Variants in SDR42E1 observed in about 807,000 individuals in gnomAD.
SDR42E1 encodes the protein short chain dehydrogenase/reductase family 42E, member 1, also known as short-chain dehydrogenase/reductase family 42E member 1.
Under a neutral mutation model 2.6 loss-of-function variants are expected in SDR42E1, and 5 were observed. The observed-to-expected ratio is 1.94, with a 90% CI of 1.01 to 4.08. SDR42E1 has a LOEUF of 4.08. Among genes scored for constraint, SDR42E1 ranks in the 30% most tolerant of loss-of-function variants. The pLI is 0.00. For synonymous variants in SDR42E1, 231 were observed against 188.3 expected (o/e 1.23, Z -1.86); for missense variants, 596 against 478.6 (o/e 1.25, Z -2.29).
chr16:82,008,799 AATC>A (rs1162844979), intron 1 of SDR42E1, among the ~76,000 whole-genome samples: 1 of 152,234 alleles, frequency 6.6e-6, no homozygotes, highest in Admixed American at 6.5e-5. Flanking sequence ...GCCAAATGCT[AATC>A]ATCAAGACAA....
rs765212491 is a variant in SDR42E1, at chr16:81,999,618, C to T, written c.675G>A (p.Val225=). The part of the protein sequence containing the change: ...DPRSLVEFVH[V]DNLVQAHILA... Reference sequence around the variant, plus strand: ...GAATGTGAGCCTGCACCAAGTTATCCACGTGGACAAACTCAACCAGGCTCC... The same window carrying T: ...GAATGTGAGCCTGCACCAAGTTATCTACGTGGACAAACTCAACCAGGCTCC... Residue 225 remains valine (V), a synonymous_variant, in exon 3 of 3, where the codon GTG becomes GTA. Transcript: ENST00000328945. 6.2e-7 allele frequency: 1 copy of T among 1,614,168 alleles called. No individual in the cohort carries two copies. Among genetic ancestry groups the T allele is most frequent in the Non-Finnish European group, 8.5e-7 (1 of 1,180,036 alleles).
chr16:82,003,437 A>G (rs531490712), intron 1 of SDR42E1, among the ~76,000 whole-genome samples: 1 of 152,342 alleles, frequency 6.6e-6, no homozygotes, highest in South Asian at 2.1e-4. Context: ...AGTTACTGAT[A>G]TATCAATACA....
rs1339126223 is a variant in SDR42E1, at chr16:81,999,064, G to A, written c.*47C>T. ...ACACATTTTAAAACCCATGTTTCTT[G>A]AGAACCATCTCAGCCAACTGTGATC... On this transcript the variant is annotated 3_prime_UTR_variant, in exon 3 of 3. Transcript: ENST00000328945. 1.3e-6 allele frequency: 2 copies of A among 1,565,886 alleles called. No individual in the cohort carries two copies. Among genetic ancestry groups the A allele is most frequent in the African/African-American group, 1.4e-5 (1 of 73,284 alleles).
At chr16:82,001,010 G>C in intron 1 of SDR42E1, 126 bp from the exon 2 acceptor site, 1 of 599,486 alleles carries the variant, frequency 1.7e-6, no homozygotes, top group South Asian at 2.1e-5. Flanking sequence ...TCTGGGTCTG[G>C]TCACAGCTGT....
chr16:82,000,638 T>A (rs2143850658), intron 2 of SDR42E1, among the ~76,000 whole-genome samples, 153 bp downstream of exon 2: 1 of 152,366 alleles, frequency 6.6e-6, no homozygotes, highest in East Asian at 1.9e-4. Flanking sequence ...TACCTGTAGT[T>A]CTCAGCTGCA....
intron 1 of SDR42E1, among the ~76,000 whole-genome samples, chr16:82,001,987 C>A (rs1239898143): frequency 2.0e-5 from 3 of 150,948 alleles, no homozygotes; most frequent in Non-Finnish European, 4.4e-5. Context: ...CACACACACA[C>A]ACACATATAC....
At position 81,995,010 on chromosome 16, in the gene SDR42E1, C is replaced by T. The variant is rs1396453891; in HGVS notation, c.*4101G>A. On this transcript the variant is annotated 3_prime_UTR_variant, in exon 3 of 3. Transcript: ENST00000328945. Reference sequence around the variant, plus strand: ...TGCTTGTAATGTGGCACTGTCTGCCCCTGTCACCAGAAACGGCACTGAGGA... The same window carrying T: ...TGCTTGTAATGTGGCACTGTCTGCCTCTGTCACCAGAAACGGCACTGAGGA... The T allele has an allele frequency of 6.6e-6, 1 of 152,136 alleles. No homozygotes were observed. The highest frequency in any genetic ancestry group is 1.5e-5 in the Non-Finnish European group (1 of 68,032). 9.4% of individuals were successfully genotyped at this position (152,136 alleles called of 1,614,324 possible). A position where few individuals can be genotyped will look rare whatever the true frequency, so the allele number is the denominator to read the frequency against.
rs889758770 is a variant in SDR42E1, at chr16:81,998,504, C to T, written c.*607G>A. On this transcript the variant is annotated 3_prime_UTR_variant, in exon 3 of 3. Transcript: ENST00000328945. ...GCTTGAATTTAATCCTCAAAAGAAT[C>T]CTATGAGGTAGAATAAAGGCCTAAA... is the stretch of plus-strand genomic sequence containing the variant. 1.3e-5 allele frequency: 2 copies of T among 152,634 alleles called. No individual in the cohort carries two copies. The highest frequency in any genetic ancestry group is 4.8e-5 in the African/African-American group (2 of 41,442). 9.5% of individuals were successfully genotyped at this position (152,634 alleles called of 1,614,324 possible). A position where few individuals can be genotyped will look rare whatever the true frequency, so the allele number is the denominator to read the frequency against.
At position 81,999,823 on chromosome 16, in the gene SDR42E1, G is replaced by T. The variant is rs764589474; in HGVS notation, c.470C>A (p.Ser157Ter). 1.2e-6 allele frequency: 2 copies of T among 1,614,078 alleles called. No homozygotes were observed. Among genetic ancestry groups the T allele is most frequent in the South Asian group, 2.2e-5 (2 of 91,078 alleles). ...LHPDHYSRTKSIAEQKVLEAN... is the reference protein window; with the variant it reads ...LHPDHYSRTK Reference sequence around the variant, plus strand: ...CTCCAGCACCTTCTGCTCTGCAATTGACTTTGTCCGAGAGTAGTGATCAGG... The same window carrying T: ...CTCCAGCACCTTCTGCTCTGCAATTTACTTTGTCCGAGAGTAGTGATCAGG... Residue 157 changes from serine (S) to a stop codon, truncating the protein, a stop_gained, in exon 3 of 3, where the codon TCA becomes TAA. Coordinates refer to ENST00000328945, the MANE Select transcript of SDR42E1 (RefSeq NM_145168.3). LOFTEE classifies it high-confidence loss of function.
chr16:81,998,438 G>C lies in SDR42E1; in HGVS notation c.*673C>G, dbSNP rs1190539643. On this transcript the variant is annotated 3_prime_UTR_variant, in exon 3 of 3. Coordinates refer to ENST00000328945, the MANE Select transcript of SDR42E1 (RefSeq NM_145168.3). The stretch of plus-strand genomic sequence containing the variant: ...ATAAGGAATGTACCATGACAATTCT[G>C]ATAAAAAGAATGGCTATGTGTGTTG... 6.6e-6 allele frequency: 1 copy of C among 152,354 alleles called. No homozygotes were observed. Among genetic ancestry groups the C allele is most frequent in the African/African-American group, 2.4e-5 (1 of 41,442 alleles). The allele number at this position is 152,354 out of a possible 1,614,324, so 9.4% of individuals were successfully genotyped here.
chr16:81,997,728 G>A lies in SDR42E1; in HGVS notation c.*1383C>T, dbSNP rs1215383765. 6.6e-6 allele frequency: 1 copy of A among 152,140 alleles called. No homozygotes were observed. 9.4% of individuals were successfully genotyped at this position (152,140 alleles called of 1,614,324 possible). ...CCCAGTGAACCCTATGGGGTGGGTG[G>A]GTTTATACAAAGGGCAAATGCAGTC... On this transcript the variant is annotated 3_prime_UTR_variant, in exon 3 of 3. Coordinates refer to ENST00000328945, the MANE Select transcript of SDR42E1 (RefSeq NM_145168.3).
chr16:82,000,698 A>G, intron 2 of SDR42E1, 93 bp downstream of exon 2: 1 of 932,314 alleles, frequency 1.1e-6, no homozygotes, highest in Non-Finnish European at 1.7e-6. Context: ...ACATTACACA[A>G]ACAAGTAAAA....
intron 1 of SDR42E1, among the ~76,000 whole-genome samples, chr16:82,009,807 A>G (rs1430737234): frequency 6.6e-6 from 1 of 152,204 alleles, no homozygotes; most frequent in African/African-American, 2.4e-5. Context: ...GGGAGGGGCC[A>G]GGGGCGGAAT....
intron 1 of SDR42E1, among the ~76,000 whole-genome samples, chr16:82,003,367 G>A (rs999174382): frequency 6.6e-6 from 1 of 152,150 alleles, no homozygotes; most frequent in Admixed American, 6.5e-5. Flanking sequence ...AGTCAATTCT[G>A]TTCTTTAGTG....
rs767203090 is a variant in SDR42E1, at chr16:82,000,842, G to A, written c.17C>T (p.Ser6Phe). 1 of 1,613,722 alleles carries A rather than the reference G, an allele frequency of 6.2e-7. No individual in the cohort carries two copies. Among genetic ancestry groups the A allele is most frequent in the Admixed American group, 1.7e-5 (1 of 59,982 alleles). Residue 6 changes from serine (S) to phenylalanine (F), a missense_variant, in exon 2 of 3, where the codon TCT becomes TTT. Physicochemically the swap from Ser to Phe is radical, Grantham distance 155. Coordinates refer to ENST00000328945, the MANE Select transcript of SDR42E1 (RefSeq NM_145168.3). ...TGTAATGAGGACACTTTCCTTTTGA[G>A]ATCTTTTGGGGTCCATATGTGGCAG... The part of the protein sequence containing the change: MDPKR[S>F]QKESVLITGG...
At position 81,993,315 on chromosome 16, in the gene SDR42E1, G is replaced by C. The variant is rs1490114294; in HGVS notation, c.*5796C>G. On this transcript the variant is annotated 3_prime_UTR_variant, in exon 3 of 3. Coordinates refer to ENST00000328945, the MANE Select transcript of SDR42E1 (RefSeq NM_145168.3). ...TGGCACCAGTGCTCACCTCCTTGTT[G>C]AAAGATAAGAAACACCTAGAGTGCA... 6.6e-6 allele frequency: 1 copy of C among 152,164 alleles called. No individual in the cohort carries two copies. The highest frequency in any genetic ancestry group is 6.5e-5 in the Admixed American group (1 of 15,278). The allele number at this position is 152,164 out of a possible 1,614,324, so 9.4% of individuals were successfully genotyped here.
Position 82,000,838 on chromosome 16 carries a change from T to G in SDR42E1, c.21A>C (p.Gln7His). The stretch of plus-strand genomic sequence containing the variant: ...CTCCTGTAATGAGGACACTTTCCTT[T>G]TGAGATCTTTTGGGGTCCATATGTG... MDPKRS[Q>H]KESVLITGGS... The change falls in exon 2 of 3, where the codon CAA (glutamine) becomes CAC (histidine). Residue 7 changes from glutamine (Q) to histidine (H), a missense_variant. Physicochemically the swap from Gln to His is conservative, Grantham distance 24 (BLOSUM62 0). Transcript: ENST00000328945. The G allele has an allele frequency of 1.2e-6, 2 of 1,613,938 alleles. No homozygotes were observed. The highest frequency in any genetic ancestry group is 2.2e-5 in the East Asian group (1 of 44,868).
In SDR42E1 at chr16:81,997,351, C is replaced by G. The variant is rs1912565983; in HGVS notation, c.*1760G>C. The G allele has an allele frequency of 6.6e-6, 1 of 152,196 alleles. No homozygotes were observed. Among genetic ancestry groups the G allele is most frequent in the Admixed American group, 6.5e-5 (1 of 15,286 alleles). 9.4% of individuals were successfully genotyped at this position (152,196 alleles called of 1,614,324 possible). The stretch of plus-strand genomic sequence containing the variant: ...GATCGCCTTTGACCATCTCCCTCTT[C>G]TGGTATAATACGGAAATACCTTTGT... On this transcript the variant is annotated 3_prime_UTR_variant, in exon 3 of 3. Coordinates refer to ENST00000328945, the MANE Select transcript of SDR42E1 (RefSeq NM_145168.3).
intron 1 of SDR42E1, among the ~76,000 whole-genome samples, chr16:82,006,146 G>A (rs1277586469): frequency 6.6e-6 from 1 of 152,058 alleles, no homozygotes; most frequent in East Asian, 1.9e-4. Flanking sequence ...TTCACCAATA[G>A]AAAGTATGGA....
Sources: gnomAD v4.1 joint callset for allele counts (sites outside exome capture counted in the v4.1 genomes callset) on GRCh38, gnomAD v4.1.1 for gene constraint, MANE v1.5 for transcripts, NCBI Gene and HGNC (gene_info 2026-07-23, HGNC 2026-07-21) for gene names.